ZNF66: variants seen among roughly 807,000 people sequenced by gnomAD.
The protein encoded by ZNF66 is zinc finger protein 66.
A neutral mutation model predicts 35.2 loss-of-function variants in ZNF66; 32 were observed. That is an observed-to-expected ratio of 0.91 (90% CI 0.69 to 1.22). The LOEUF (loss-of-function observed/expected upper bound fraction) is 1.22, where lower values mean the gene tolerates loss of function less well. ZNF66 is among the 50% of genes most tolerant of loss of function. The probability of loss-of-function intolerance (pLI) is 0.00; values close to 1 mark genes in which losing one functional copy is unlikely to be tolerated. For missense variants in ZNF66, 666 were observed against 543.1 expected, an observed-to-expected ratio of 1.23 and a Z score of -2.25; for synonymous variants, 231 against 181.3, an observed-to-expected ratio of 1.27 and a Z score of -2.20.
At chr19:20,797,189 ATTTTTTTTTTTTTTTTTTTTT>A (rs142052913) in intron 3 of ZNF66, among the ~76,000 whole-genome samples, 2 of 45,440 alleles carry the variant, frequency 4.4e-5, no homozygotes, top group Middle Eastern at 0.017. Flanking sequence ...TGCATGCTAG[ATTTTTTTTTTTTTTTTTTTTT>A]TTTTTTTTTT....
chr19:20,799,419 A>G (rs1971427662), intron 3 of ZNF66: 1 of 152,094 alleles, frequency 6.6e-6, no homozygotes, highest in African/African-American at 2.4e-5. Flanking sequence ...ACATTTTAAA[A>G]TAATGGCTGT....
At chr19:20,805,746 A>G (rs1039886637) in intron 3 of ZNF66, 81 bp from the exon 4 acceptor site, 3 of 450,632 alleles carry the variant, frequency 6.7e-6, no homozygotes, top group African/African-American at 4.1e-5. Context: ...TGTAGTTTGT[A>G]TAATTTTATA....
chr19:20,807,844 A>G lies in ZNF66; in HGVS notation c.*522A>G, dbSNP rs2560962. Among the ~76,000 whole-genome samples the G allele has an allele frequency of 0.093, 14,177 of 152,178 alleles. 678 individuals are homozygous for G. Among genetic ancestry groups the G allele is most frequent in the Middle Eastern group, 0.11 (33 of 294 alleles). ...ATGTACCAGGTTCATCTCACTAGGG[A>G]GTGCCAGACAGTGGCTGCAGGACAG... On this transcript the variant is annotated 3_prime_UTR_variant, in exon 4 of 4. Coordinates refer to ENST00000344519, the MANE Select transcript of ZNF66 (RefSeq NM_001355197.2).
chr19:20,793,924 T>C, intron 3 of ZNF66, 46 bp downstream of exon 3: 1 of 918,720 alleles, frequency 1.1e-6, no homozygotes, highest in Non-Finnish European at 1.6e-6. Context: ...CAGTAAGAAG[T>C]CCAAGGTCAA....
rs1971559957 is a variant in ZNF66, at chr19:20,809,105, G to A, written c.*1783G>A. 1.3e-5 allele frequency among the ~76,000 whole-genome samples: 2 copies of A among 151,926 alleles called. No individual in the cohort carries two copies. The highest frequency in any genetic ancestry group is 1.3e-4 in the Admixed American group (2 of 15,234). On this transcript the variant is annotated 3_prime_UTR_variant, in exon 4 of 4. Coordinates refer to ENST00000344519, the MANE Select transcript of ZNF66 (RefSeq NM_001355197.2). ...ATCAGTGATGGAAGATGAAATGAATGAAATGAAGTGAGAAGGGAAGTTTAG... is the reference window on the plus strand; with the variant it reads ...ATCAGTGATGGAAGATGAAATGAATAAAATGAAGTGAGAAGGGAAGTTTAG...
chr19:20,805,726 A>G (rs1350390183), intron 3 of ZNF66, 101 bp from the exon 4 acceptor site: 1 of 435,146 alleles, frequency 2.3e-6, no homozygotes, highest in Non-Finnish European at 4.1e-6. Flanking sequence ...TTGCTACATC[A>G]TCTTGTTTAT....
intron 1 of ZNF66, among the ~76,000 whole-genome samples, chr19:20,785,856 G>A (rs1971282663): frequency 6.6e-6 from 1 of 151,982 alleles, no homozygotes; most frequent in African/African-American, 2.4e-5. Flanking sequence ...ACAGCTCCCG[G>A]GTTCAAGTGA....
rs573895921 is a variant in ZNF66, at chr19:20,806,888, T to C, written c.1288T>C (p.Cys430Arg). Reference sequence around the variant, plus strand: ...AGAGAAACCCTACAAATGTGAAGAATGTGGCAAAGCCTTCAGTCGGTCCTC... The same window carrying C: ...AGAGAAACCCTACAAATGTGAAGAACGTGGCAAAGCCTTCAGTCGGTCCTC... ...TGEKPYKCEE[C>R]GKAFSRSSIL... Residue 430 changes from cysteine to arginine, a missense_variant, in exon 4 of 4, where the codon TGT (cysteine) becomes CGT (arginine). Transcript: ENST00000344519. 2.3e-4 allele frequency: 314 copies of C among 1,345,830 alleles called. No individual in the cohort carries two copies. Among genetic ancestry groups the C allele is most frequent in the African/African-American group, 2.3e-3 (158 of 69,778 alleles). The allele number at this position is 1,345,830 out of a possible 1,614,324, so 83.4% of individuals were successfully genotyped here.
In ZNF66 at chr19:20,808,687, C is replaced by T. The variant is rs1179187742; in HGVS notation, c.*1365C>T. 6.6e-6 allele frequency among the ~76,000 whole-genome samples: 1 copy of T among 152,024 alleles called. No homozygotes were observed. The highest frequency in any genetic ancestry group is 1.5e-5 in the Non-Finnish European group (1 of 67,996). ...ACAGAAAGGACATCCACACCAAAAA[C>T]CCATCTGTACATCACCATCATCAAA... On this transcript the variant is annotated 3_prime_UTR_variant, in exon 4 of 4. Transcript: ENST00000344519.
chr19:20,806,172 A>G lies in ZNF66; in HGVS notation c.572A>G (p.His191Arg), dbSNP rs755078676. 7.8e-7 allele frequency: 1 copy of G among 1,286,636 alleles called. No individual in the cohort carries two copies. The highest frequency in any genetic ancestry group is 1.1e-6 in the Non-Finnish European group (1 of 883,710). The allele number at this position is 1,286,636 out of a possible 1,614,324, so 79.7% of individuals were successfully genotyped here. Residue 191 changes from histidine to arginine, a missense_variant, in exon 4 of 4, where the codon CAT becomes CGT. Transcript: ENST00000344519. ...AFNRSSTFTT[H>R]KKIHTGEKPY... is the part of the protein sequence containing the mutation. Reference sequence around the variant, plus strand: ...AACCGGTCCTCAACCTTTACTACACATAAGAAAATTCATACTGGAGAGAAA... The same window carrying G: ...AACCGGTCCTCAACCTTTACTACACGTAAGAAAATTCATACTGGAGAGAAA...
chr19:20,793,759 T>G (rs1971363889), intron 2 of ZNF66, 24 bp from the exon 3 acceptor site: 1 of 837,496 alleles, frequency 1.2e-6, no homozygotes, highest in East Asian at 2.9e-5. Context: ...GCAAGATTCA[T>G]GTTATTTATT....
chr19:20,779,913 A>C (rs1166396573), intron 1 of ZNF66, among the ~76,000 whole-genome samples: 2 of 141,920 alleles, frequency 1.4e-5, no homozygotes, highest in Admixed American at 1.4e-4. Flanking sequence ...GGGCAACGAG[A>C]GTGAAACTCT....
At chr19:20,776,617 G>C in intron 1 of ZNF66, 167 bp downstream of exon 1, 1 of 1,020,906 alleles carries the variant, frequency 9.8e-7, no homozygotes, top group South Asian at 1.5e-5. Flanking sequence ...TGGCCCCCGG[G>C]CGTCCTGTCG....
rs142291581 is a variant in ZNF66, at chr19:20,795,193, G to A, written c.226+1315G>A. ...CCTGGCTGGATTTTTTTATTTCTGT[G>A]AATAATTCTTCTGCCACATACTTCC... On this transcript the variant is annotated intron_variant, in intron 3 of 3. Coordinates refer to ENST00000344519, the MANE Select transcript of ZNF66 (RefSeq NM_001355197.2). Among the ~76,000 whole-genome samples the A allele has an allele frequency of 1.1e-3, 161 of 151,756 alleles. 1 individual carries two copies. Among genetic ancestry groups the A allele is most frequent in the African/African-American group, 3.8e-3 (157 of 41,394 alleles).
chr19:20,802,160 C>T (rs1971454033), intron 3 of ZNF66, among the ~76,000 whole-genome samples: 1 of 152,086 alleles, frequency 6.6e-6, no homozygotes, highest in South Asian at 2.1e-4. Flanking sequence ...AATGGTAATG[C>T]CTCCAACATT....
Position 20,807,336 on chromosome 19 carries a change from C to A in ZNF66, c.*14C>A. On this transcript the variant is annotated 3_prime_UTR_variant, in exon 4 of 4. Transcript: ENST00000344519. ...GCAAAGCCTTAGACACTCCTCTACC[C>A]TTACTAGACATAAGATAATTCATAC... The A allele has an allele frequency of 1.6e-6, 1 of 614,264 alleles. No individual in the cohort carries two copies. The highest frequency in any genetic ancestry group is 2.9e-6 in the Non-Finnish European group (1 of 341,238). 38.1% of individuals were successfully genotyped at this position (614,264 alleles called of 1,614,324 possible).
rs878861654 is a variant in ZNF66 at position 20,806,326 on chromosome 19, T to A, written c.726T>A (p.Ser242=). ...EDCGKAFNRS[S]NLTTHKKIHT... ...GTGGCAAAGCCTTTAACCGCTCCTCTAACCTTACTACACATAAGAAAATTC... is the reference window on the plus strand; with the variant it reads ...GTGGCAAAGCCTTTAACCGCTCCTCAAACCTTACTACACATAAGAAAATTC... The change falls in exon 4 of 4, where the codon TCT becomes TCA. Residue 242 remains serine, a synonymous_variant. Transcript: ENST00000344519. 9 of 1,533,302 alleles carry A rather than the reference T, an allele frequency of 5.9e-6. No homozygotes were observed. Among genetic ancestry groups the A allele is most frequent in the Admixed American group, 1.7e-5 (1 of 59,756 alleles). 95.0% of individuals were successfully genotyped at this position (1,533,302 alleles called of 1,614,324 possible).
intron 1 of ZNF66, among the ~76,000 whole-genome samples, chr19:20,783,701 A>G (rs1340063971): frequency 6.6e-6 from 1 of 152,226 alleles, no homozygotes; most frequent in Non-Finnish European, 1.5e-5. Context: ...CAATATTTGC[A>G]GGCTGAAGTA....
At chr19:20,793,291 G>A (rs917631855) in intron 2 of ZNF66, among the ~76,000 whole-genome samples, 1 of 145,376 alleles carries the variant, frequency 6.9e-6, no homozygotes. Flanking sequence ...CCTACAAATT[G>A]AAAGTATTTT....
Sources: allele counts gnomAD v4.1 joint callset (sites outside exome capture counted in the v4.1 genomes callset), GRCh38; gene constraint gnomAD v4.1.1; transcripts MANE v1.5; gene names NCBI Gene and HGNC (gene_info 2026-07-23, HGNC 2026-07-21).